PXDNL: variants seen among roughly 807,000 people sequenced by gnomAD.
The protein encoded by PXDNL is peroxidasin like.
Under a neutral mutation model 150.8 loss-of-function variants are expected in PXDNL, and 145 were observed. The ratio of observed to expected loss-of-function variants is 0.96; its 90% CI spans 0.84 to 1.10. PXDNL has a LOEUF of 1.10. Ranked by LOEUF, PXDNL falls within the 50% of genes least tolerant of loss-of-function variation. PXDNL has a pLI of 0.00. For missense variants in PXDNL, 2,087 were observed against 1,873.9 expected, an observed-to-expected ratio of 1.11 and a Z score of -2.10; for synonymous variants, 757 against 725.7, an observed-to-expected ratio of 1.04 and a Z score of -0.69.
chr8:51,554,895 C>G (rs1278447583), intron 4 of PXDNL, among the ~76,000 whole-genome samples: 1 of 152,162 alleles, frequency 6.6e-6, no homozygotes, highest in Non-Finnish European at 1.5e-5. Context: ...CAGAACTGCC[C>G]TTAATGATCT....
chr8:51,391,015 G>A (rs373066723), intron 17 of PXDNL, among the ~76,000 whole-genome samples: 5 of 152,060 alleles, frequency 3.3e-5, no homozygotes, highest in Middle Eastern at 3.4e-3. Flanking sequence ...TTGTCCTTGC[G>A]ATAGTTTACT....
In PXDNL at chr8:51,606,615, C is replaced by T. The variant is rs200245371; in HGVS notation, c.237-13917G>A. On this transcript the variant is annotated intron_variant, in intron 2 of 22. Transcript: ENST00000356297. ...CCCAACTGAAATATAATCTGAGCCA[C>T]AAATGCAAGTCACATATGTGATTTC... Among the ~76,000 whole-genome samples the T allele has an allele frequency of 4.2e-4, 64 of 151,798 alleles. No individual in the cohort carries two copies. The East Asian group carries it at 8.4e-3, about 20-fold the overall frequency.
At chr8:51,520,492 G>T (rs1444663103) in intron 4 of PXDNL, among the ~76,000 whole-genome samples, 1 of 152,040 alleles carries the variant, frequency 6.6e-6, no homozygotes, top group Non-Finnish European at 1.5e-5. Context: ...GGCCCGCCAT[G>T]CACCCAGAGG....
chr8:51,667,970 G>T (rs759383579), intron 1 of PXDNL, among the ~76,000 whole-genome samples: 3 of 151,878 alleles, frequency 2.0e-5, no homozygotes, highest in Non-Finnish European at 2.9e-5. Context: ...CACTGAACTC[G>T]CCTGCAACAT....
intron 4 of PXDNL, among the ~76,000 whole-genome samples, chr8:51,526,597 CTAAA>C (rs1811775999): frequency 2.0e-5 from 3 of 152,290 alleles, no homozygotes; most frequent in African/African-American, 7.2e-5. Flanking sequence ...ATTTCTGTCA[CTAAA>C]TAATTGTTCT....
At chr8:51,344,474 A>T (rs533862922) in intron 20 of PXDNL, among the ~76,000 whole-genome samples, 33 of 151,338 alleles carry the variant, frequency 2.2e-4, no homozygotes, top group African/African-American at 8.0e-4. Context: ...TCAGACTTGG[A>T]CTCCCCTAAA....
chr8:51,354,133 T>C (rs747987404), intron 19 of PXDNL, among the ~76,000 whole-genome samples: 1 of 152,112 alleles, frequency 6.6e-6, no homozygotes, highest in Admixed American at 6.5e-5. Context: ...AGAGCATATA[T>C]CCTGTTTACC....
At chr8:51,356,036 A>G (rs1316571473) in intron 19 of PXDNL, among the ~76,000 whole-genome samples, 4 of 152,248 alleles carry the variant, frequency 2.6e-5, no homozygotes, top group African/African-American at 7.2e-5. Context: ...GGACTTGGCA[A>G]TGGGGAGTCT....
intron 1 of PXDNL, among the ~76,000 whole-genome samples, chr8:51,692,282 A>G (rs1297235828): frequency 6.6e-6 from 1 of 152,232 alleles, no homozygotes; most frequent in Non-Finnish European, 1.5e-5. Flanking sequence ...ATCTCTTTCC[A>G]AGAAACACAA....
intron 1 of PXDNL, among the ~76,000 whole-genome samples, chr8:51,745,365 A>T (rs193234203): frequency 6.6e-6 from 1 of 152,360 alleles, no homozygotes; most frequent in Non-Finnish European, 1.5e-5. Context: ...CAATCCAACA[A>T]ACAAATAACA....
At chr8:51,572,811 C>T (rs1812975401) in intron 3 of PXDNL, among the ~76,000 whole-genome samples, 2 of 151,920 alleles carry the variant, frequency 1.3e-5, no homozygotes, top group African/African-American at 4.8e-5. Flanking sequence ...AACACACACA[C>T]ACGCATAAAG....
chr8:51,751,544 T>G (rs1036884414), intron 1 of PXDNL, among the ~76,000 whole-genome samples: 6 of 152,216 alleles, frequency 3.9e-5, no homozygotes, highest in African/African-American at 1.4e-4. Flanking sequence ...TAGATGACTT[T>G]GTCTGACCCC....
intron 6 of PXDNL, among the ~76,000 whole-genome samples, chr8:51,481,129 C>G (rs1810594841): frequency 6.6e-6 from 1 of 152,102 alleles, no homozygotes. Flanking sequence ...AGAAGACAGG[C>G]AGATGTGGGA....
At position 51,424,126 on chromosome 8, in the gene PXDNL, G is replaced by C. The variant is rs189654968; in HGVS notation, c.1639-395C>G. 2.2e-3 allele frequency among the ~76,000 whole-genome samples: 336 copies of C among 152,250 alleles called. 4 individuals carry two copies. The highest frequency in any genetic ancestry group is 0.014 in the Middle Eastern group (4 of 294). ...GCCTATAATCCCAGCACTTTGGAAG[G>C]CTGAGGCAGGAGGATCACTTGAGCT... On this transcript the variant is annotated intron_variant, in intron 13 of 22. Coordinates refer to ENST00000356297, the MANE Select transcript of PXDNL (RefSeq NM_144651.5).
intron 3 of PXDNL, among the ~76,000 whole-genome samples, chr8:51,581,404 G>A (rs1386716113): frequency 6.6e-6 from 1 of 152,006 alleles, no homozygotes; most frequent in Admixed American, 6.6e-5. Flanking sequence ...CACAAGAATT[G>A]CTTGAACCTG....
At chr8:51,731,224 G>A (rs575963885) in intron 1 of PXDNL, among the ~76,000 whole-genome samples, 4 of 152,296 alleles carry the variant, frequency 2.6e-5, no homozygotes, top group African/African-American at 9.6e-5. Flanking sequence ...GGGGGTACAG[G>A]CATTGAATAA....
chr8:51,557,225 T>C (rs1021890177), intron 3 of PXDNL, among the ~76,000 whole-genome samples: 1 of 152,144 alleles, frequency 6.6e-6, no homozygotes, highest in African/African-American at 2.4e-5. Flanking sequence ...TGTTTGACTA[T>C]AAACAATTTT....
rs758507659 is a variant in PXDNL at position 51,413,257 on chromosome 8, A to T, written c.1797T>A (p.Ala599=). ...CATCGCCAGCTTGTCTACCCTGTAT[A>T]GCTTTGAAAATCAATTCCATGATTA... is the stretch of plus-strand genomic sequence containing the variant. ...AVTNMFLTVT[A]IQGRQAGDDF... Residue 599 remains alanine (A), a splice_region_variant and synonymous_variant, in exon 15 of 23, where the codon GCT becomes GCA. Coordinates refer to ENST00000356297, the MANE Select transcript of PXDNL (RefSeq NM_144651.5). The T allele has an allele frequency of 6.3e-7, 1 of 1,587,064 alleles. No homozygotes were observed. Among genetic ancestry groups the T allele is most frequent in the South Asian group, 1.1e-5 (1 of 90,052 alleles).
intron 21 of PXDNL, among the ~76,000 whole-genome samples, chr8:51,328,782 A>G (rs6993031): frequency 6.6e-6 from 1 of 152,190 alleles, no homozygotes; most frequent in Non-Finnish European, 1.5e-5. Context: ...AGGAAACTTA[A>G]GAGGTTCTCA....
Sources: allele counts gnomAD v4.1 joint callset (sites outside exome capture counted in the v4.1 genomes callset), GRCh38; gene constraint gnomAD v4.1.1; transcripts MANE v1.5; gene names NCBI Gene and HGNC (gene_info 2026-07-23, HGNC 2026-07-21).